The following INPP5D variants were observed in gnomAD, a reference collection of about 807,000 sequenced individuals.
INPP5D encodes inositol polyphosphate-5-phosphatase D, also known as phosphatidylinositol 3,4,5-trisphosphate 5-phosphatase 1.
In INPP5D, 33 loss-of-function variants were observed where a neutral mutation model predicts 122.9. The ratio of observed to expected loss-of-function variants is 0.27; its 90% CI spans 0.20 to 0.36. The LOEUF (loss-of-function observed/expected upper bound fraction) is 0.36, where lower values mean the gene tolerates loss of function less well. Among genes scored for constraint, INPP5D ranks in the 10% least tolerant of loss-of-function variants. The pLI, the probability that INPP5D is intolerant of heterozygous loss-of-function variation, is 1.00. For missense variants in INPP5D, 1,053 were observed against 1,412.7 expected (o/e 0.75, Z 4.08); for synonymous variants, 584 against 576.2 (o/e 1.01, Z -0.19).
At chr2:233,200,961 A>AAAAT (rs150813540) in intron 25 of INPP5D, among the ~76,000 whole-genome samples, 28,451 of 141,492 alleles carry the variant, frequency 0.2, 3,095 homozygotes, top group Middle Eastern at 0.26. Context: ...ACTCCATCTC[A>AAAAT]AAATAAATAA....
chr2:233,089,992 C>G (rs991519126), intron 2 of INPP5D, among the ~76,000 whole-genome samples: 1 of 152,224 alleles, frequency 6.6e-6, no homozygotes, highest in Non-Finnish European at 1.5e-5. Context: ...ACAATCCCCC[C>G]GCCCAGCGTC....
chr2:233,164,479 G>T lies in INPP5D; in HGVS notation c.1555+55G>T. 1 of 1,493,184 alleles carries T rather than the reference G, an allele frequency of 6.7e-7. No homozygotes were observed. Among genetic ancestry groups the T allele is most frequent in the Middle Eastern group, 1.7e-4 (1 of 5,758 alleles). 92.5% of individuals were successfully genotyped at this position (1,493,184 alleles called of 1,614,324 possible). A position where few individuals can be genotyped will look rare whatever the true frequency, so the allele number is the denominator to read the frequency against. On this transcript the variant is annotated intron_variant, in intron 13 of 26. Transcript: ENST00000445964. The surrounding 1 kb of genome is among the most constrained non-coding windows in gnomAD (Gnocchi z 4.3). ...CCACACCCTCTGCCTCAACTCTCGC[G>T]ACCACATCATCCTGATCCCACCAGT...
At chr2:233,102,446 G>T (rs990822609) in intron 2 of INPP5D, among the ~76,000 whole-genome samples, 1 of 152,152 alleles carries the variant, frequency 6.6e-6, no homozygotes, top group Non-Finnish European at 1.5e-5. Context: ...TTCCCCATGG[G>T]CCAGAATGAG....
intron 6 of INPP5D, among the ~76,000 whole-genome samples, chr2:233,145,003 G>A (rs1559316643): frequency 6.6e-6 from 1 of 152,068 alleles, no homozygotes. Flanking sequence ...GACATCACCT[G>A]CCTGGTGATA....
chr2:233,103,100 C>T (rs1487283783), intron 2 of INPP5D, among the ~76,000 whole-genome samples: 1 of 152,110 alleles, frequency 6.6e-6, no homozygotes, highest in Non-Finnish European at 1.5e-5. Context: ...CCCTTTTCAC[C>T]AAAGGATCTT....
chr2:233,124,734 G>A (rs1048642491), intron 3 of INPP5D, among the ~76,000 whole-genome samples: 6 of 152,272 alleles, frequency 3.9e-5, no homozygotes, highest in Admixed American at 3.3e-4. Context: ...CTCTGGGCAT[G>A]GCTGTCTGGA....
At chr2:233,071,389 C>T (rs998111937) in intron 1 of INPP5D, among the ~76,000 whole-genome samples, 1 of 152,044 alleles carries the variant, frequency 6.6e-6, no homozygotes, top group Non-Finnish European at 1.5e-5. Context: ...CTTTGGGGTT[C>T]CTCTTTTATC....
chr2:233,095,136 C>T (rs1481315460), intron 2 of INPP5D, among the ~76,000 whole-genome samples: 3 of 152,146 alleles, frequency 2.0e-5, no homozygotes, highest in South Asian at 2.1e-4. Flanking sequence ...TAAAGTAGAG[C>T]TGTGTGTAAT....
At chr2:233,131,534 T>TAAAAA (rs754526793) in intron 5 of INPP5D, among the ~76,000 whole-genome samples, 1 of 134,346 alleles carries the variant, frequency 7.4e-6, no homozygotes, top group Non-Finnish European at 1.6e-5. Context: ...CTGTCTCTAC[T>TAAAAA]AAAAAAAAAA....
intron 11 of INPP5D, 151 bp from the exon 12 acceptor site, chr2:233,163,556 G>A (rs1694248558): frequency 7.1e-7 from 1 of 1,400,498 alleles, no homozygotes; most frequent in Non-Finnish European, 9.5e-7. Flanking sequence ...TTGGCGCCCA[G>A]GCCTCCATTG....
At chr2:233,176,750 G>A (rs111841690) in intron 17 of INPP5D, among the ~76,000 whole-genome samples, 1,952 of 149,838 alleles carry the variant, frequency 0.013, 20 homozygotes, top group African/African-American at 0.021. Context: ...ATGGATAGAT[G>A]AATGAATAGG....
At position 233,138,108 on chromosome 2, in the gene INPP5D, T is replaced by C. The variant is rs541970095; in HGVS notation, c.666-1734T>C. 4.7e-5 allele frequency among the ~76,000 whole-genome samples: 7 copies of C among 149,152 alleles called. 1 individual carries two copies. The East Asian group carries it at 9.8e-4, about 21-fold the overall frequency. On this transcript the variant is annotated intron_variant, in intron 5 of 26. Transcript: ENST00000445964. The stretch of plus-strand genomic sequence containing the variant: ...GGCTCACGCCTCTAATCCCAGCACT[T>C]TGGGAAGCTGAGGTGGGCGGATCAC...
chr2:233,098,711 C>T (rs1692218202), intron 2 of INPP5D, among the ~76,000 whole-genome samples: 1 of 152,112 alleles, frequency 6.6e-6, no homozygotes, highest in South Asian at 2.1e-4. Flanking sequence ...CCTCCCATGA[C>T]ACACTCAACC....
chr2:233,183,368 T>C lies in INPP5D; in HGVS notation c.2161+869T>C, dbSNP rs371134470. On this transcript the variant is annotated intron_variant, in intron 19 of 26. Coordinates refer to ENST00000445964, the MANE Select transcript of INPP5D (RefSeq NM_001017915.3). The surrounding 1 kb of genome is among the most constrained non-coding windows in gnomAD (Gnocchi z 4.6). ...ACGTGAGGCCGAAGCACTGTCTTCC[T>C]GGGGTGCTCTTATCTATCCTATTGT... 6.6e-6 allele frequency among the ~76,000 whole-genome samples: 1 copy of C among 152,216 alleles called. No individual in the cohort carries two copies. Among genetic ancestry groups the C allele is most frequent in the African/African-American group, 2.4e-5 (1 of 41,462 alleles).
chr2:233,117,022 A>T (rs1255400867), intron 2 of INPP5D, among the ~76,000 whole-genome samples: 2 of 152,268 alleles, frequency 1.3e-5, no homozygotes, highest in East Asian at 3.9e-4. Flanking sequence ...CACTCCAGGG[A>T]AAAGGGAGAG....
At chr2:233,095,481 G>A (rs749648597) in intron 2 of INPP5D, among the ~76,000 whole-genome samples, 2 of 152,062 alleles carry the variant, frequency 1.3e-5, no homozygotes, top group Non-Finnish European at 2.9e-5. Context: ...TTAGCTGGAG[G>A]GGGTGGTGGT....
At chr2:233,137,452 A>AT (rs1693494745) in intron 5 of INPP5D, among the ~76,000 whole-genome samples, 1 of 107,612 alleles carries the variant, frequency 9.3e-6, no homozygotes, top group African/African-American at 3.6e-5. Context: ...ATTCCATTAA[A>AT]CTTTTTTTTT....
chr2:233,135,866 A>C (rs1209770548), intron 5 of INPP5D, among the ~76,000 whole-genome samples: 1 of 152,214 alleles, frequency 6.6e-6, no homozygotes, highest in East Asian at 1.9e-4. Context: ...AAAAACAAGA[A>C]GCCTGCAGCT....
At position 233,105,462 on chromosome 2, in the gene INPP5D, C is replaced by T. The variant is rs958211824; in HGVS notation, c.199-16645C>T. ...CACCAGGCTGAGTCTCCCGGAGCACCCTCCCAAGCTACTGTCCTCTCTTCA... is the reference window on the plus strand; with the variant it reads ...CACCAGGCTGAGTCTCCCGGAGCACTCTCCCAAGCTACTGTCCTCTCTTCA... On this transcript the variant is annotated intron_variant, in intron 2 of 26. Coordinates refer to ENST00000445964, the MANE Select transcript of INPP5D (RefSeq NM_001017915.3). The surrounding 1 kb of genome is among the most constrained non-coding windows in gnomAD (Gnocchi z 4.0). Among the ~76,000 whole-genome samples the T allele has an allele frequency of 5.9e-5, 9 of 152,156 alleles. No homozygotes were observed. Among genetic ancestry groups the T allele is most frequent in the Non-Finnish European group, 1.3e-4 (9 of 68,024 alleles).
Sources: gnomAD v4.1 joint callset for allele counts (sites outside exome capture counted in the v4.1 genomes callset) on GRCh38, gnomAD v4.1.1 for gene constraint, Gnocchi (gnomAD v3.1) non-coding constraint, MANE v1.5 for transcripts, NCBI Gene and HGNC (gene_info 2026-07-23, HGNC 2026-07-21) for gene names.